The following ZNF90 variants were observed in gnomAD, a reference collection of about 807,000 sequenced individuals.
The protein encoded by ZNF90 is zinc finger protein HTF9.
In ZNF90, 11 loss-of-function variants were observed where a neutral mutation model predicts 12.0. That is an observed-to-expected ratio of 0.92 (90% confidence interval 0.58 to 1.52). The LOEUF is 1.52. Ranked by LOEUF, ZNF90 falls within the 40% of genes most tolerant of loss-of-function variation. ZNF90 has a pLI of 0.00. For synonymous variants in ZNF90, 232 were observed against 240.1 expected (o/e 0.97, Z 0.31); for missense variants, 765 against 711.5 (o/e 1.08, Z -0.86).
At chr19:20,111,979 C>T (rs2089093398) in intron 3 of ZNF90, among the ~76,000 whole-genome samples, 1 of 151,918 alleles carries the variant, frequency 6.6e-6, no homozygotes, top group Admixed American at 6.6e-5. Flanking sequence ...CTTCCTCAGC[C>T]TCCTGTGTAG....
At chr19:20,081,081 C>T (rs1254649773) in intron 1 of ZNF90, among the ~76,000 whole-genome samples, 1 of 152,140 alleles carries the variant, frequency 6.6e-6, no homozygotes, top group African/African-American at 2.4e-5. Context: ...CCTTTTCTTG[C>T]AAGTGCCACA....
At position 20,084,798 on chromosome 19, in the gene ZNF90, G is replaced by A. The variant is rs59440664; in HGVS notation, c.3+6663G>A. ...CTTCATATATGTCTTCTTTTGAAAAGCATCTGTTCATATATTTTGCCTAAT... is the reference window on the plus strand; with the variant it reads ...CTTCATATATGTCTTCTTTTGAAAAACATCTGTTCATATATTTTGCCTAAT... On this transcript the variant is annotated intron_variant, in intron 1 of 3. Coordinates refer to ENST00000418063, the MANE Select transcript of ZNF90 (RefSeq NM_007138.2). Among the ~76,000 whole-genome samples the A allele has an allele frequency of 9.8e-3, 1,494 of 152,122 alleles. 21 individuals carry two copies. Among genetic ancestry groups the A allele is most frequent in the African/African-American group, 0.034 (1,415 of 41,514 alleles).
chr19:20,118,074 A>G lies in ZNF90; in HGVS notation c.520A>G (p.Lys174Glu). The change falls in exon 4 of 4, where the codon AAA becomes GAA. Residue 174 changes from lysine to glutamate, a missense_variant. By Grantham distance (56) the Lys-to-Glu change is moderately conservative. Coordinates refer to ENST00000418063, the MANE Select transcript of ZNF90 (RefSeq NM_007138.2). ...KIRDTGKKPF[K>E]CIECGKAFNQ... ...AAGAGATACTGGAAAAAAACCTTTC[A>G]AATGTATAGAATGTGGCAAAGCTTT... is the stretch of plus-strand genomic sequence containing the variant. The G allele has an allele frequency of 6.2e-7, 1 of 1,613,272 alleles. No individual in the cohort carries two copies. Among genetic ancestry groups the G allele is most frequent in the Non-Finnish European group, 8.5e-7 (1 of 1,179,520 alleles).
chr19:20,096,683 C>A (rs1254988921), intron 1 of ZNF90, among the ~76,000 whole-genome samples: 1 of 152,064 alleles, frequency 6.6e-6, no homozygotes, highest in Non-Finnish European at 1.5e-5. Flanking sequence ...AGGGCATATT[C>A]ACTTCTTTTG....
intron 1 of ZNF90, among the ~76,000 whole-genome samples, chr19:20,102,314 C>T (rs1276846406): frequency 1.3e-5 from 2 of 152,162 alleles, no homozygotes. Flanking sequence ...TGTCCTGAGT[C>T]ACTCCTACTC....
chr19:20,091,646 C>T (rs2088903677), intron 1 of ZNF90, among the ~76,000 whole-genome samples: 1 of 152,078 alleles, frequency 6.6e-6, no homozygotes, highest in South Asian at 2.1e-4. Flanking sequence ...CTTTTGATGC[C>T]CCTTGCAGTG....
chr19:20,106,504 GAGTGCAGTGGCGCGATTTCGCTC>G (rs1318886499), intron 3 of ZNF90, among the ~76,000 whole-genome samples: 1 of 152,202 alleles, frequency 6.6e-6, no homozygotes, highest in Non-Finnish European at 1.5e-5. Flanking sequence ...ACCCAGGCTG[GAGTGCAGTGGCGCGATTTCGCTC>G]ATTGCAAGCT....
At chr19:20,085,639 C>G (rs1358172994) in intron 1 of ZNF90, among the ~76,000 whole-genome samples, 1 of 152,192 alleles carries the variant, frequency 6.6e-6, no homozygotes, top group African/African-American at 2.4e-5. Flanking sequence ...AACCTTCTTT[C>G]AAGTGCATAC....
At position 20,120,420 on chromosome 19, in the gene ZNF90, C is replaced by T. The variant is rs1426135476; in HGVS notation, c.*1060C>T. 2.0e-5 allele frequency among the ~76,000 whole-genome samples: 3 copies of T among 152,218 alleles called. No individual in the cohort carries two copies. The highest frequency in any genetic ancestry group is 7.2e-5 in the African/African-American group (3 of 41,534). ...CAGATTTCATTGCACACATTTTGTA[C>T]TAGAGGAAAACCCTGAAGCAGTTGC... On this transcript the variant is annotated 3_prime_UTR_variant, in exon 4 of 4. Transcript: ENST00000418063.
intron 1 of ZNF90, among the ~76,000 whole-genome samples, chr19:20,092,969 G>A (rs1458235709): frequency 1.3e-5 from 2 of 152,164 alleles, no homozygotes; most frequent in East Asian, 3.8e-4. Context: ...GAAGTAATGA[G>A]GGCTGTCCCT....
intron 1 of ZNF90, among the ~76,000 whole-genome samples, chr19:20,081,114 AAC>A (rs1254044344): frequency 2.6e-5 from 4 of 152,090 alleles, no homozygotes; most frequent in African/African-American, 9.7e-5. Context: ...CCTACTCACA[AAC>A]ACACACACTA....
intron 1 of ZNF90, among the ~76,000 whole-genome samples, chr19:20,090,056 T>C (rs1354202716): frequency 6.6e-6 from 1 of 152,132 alleles, no homozygotes; most frequent in Non-Finnish European, 1.5e-5. Flanking sequence ...AGATCATCTA[T>C]CCACTCTAAG....
In ZNF90 at chr19:20,101,194, C is replaced by T. The variant is rs534608054; in HGVS notation, c.4-3045C>T. On this transcript the variant is annotated intron_variant, in intron 1 of 3. Transcript: ENST00000418063. Reference sequence around the variant, plus strand: ...GCCACTCCCGATTAGGCTAAAGGCTCGCCATTGTTCCTGCATGGCTAAGTG... The same window carrying T: ...GCCACTCCCGATTAGGCTAAAGGCTTGCCATTGTTCCTGCATGGCTAAGTG... Among the ~76,000 whole-genome samples the T allele has an allele frequency of 3.7e-4, 57 of 152,314 alleles. 1 individual carries two copies. In the South Asian group the frequency reaches 8.9e-3, roughly 24 times the overall value.
chr19:20,093,161 G>A (rs1400322480), intron 1 of ZNF90, among the ~76,000 whole-genome samples: 1 of 152,226 alleles, frequency 6.6e-6, no homozygotes, highest in Non-Finnish European at 1.5e-5. Flanking sequence ...AAGAGTGTAC[G>A]GGTTGGGCAC....
chr19:20,108,565 C>T (rs1330093153), intron 3 of ZNF90, among the ~76,000 whole-genome samples: 6 of 152,112 alleles, frequency 3.9e-5, no homozygotes, highest in East Asian at 1.9e-4. Context: ...GATCCACTGG[C>T]CTTGGCCTCC....
intron 1 of ZNF90, among the ~76,000 whole-genome samples, chr19:20,087,804 G>A (rs552168781): frequency 1.3e-4 from 20 of 152,308 alleles, no homozygotes; most frequent in African/African-American, 4.8e-4. Flanking sequence ...GGAGATAAGT[G>A]TGGGGCCATT....
chr19:20,113,700 C>T (rs994305744), intron 3 of ZNF90, among the ~76,000 whole-genome samples: 8 of 152,028 alleles, frequency 5.3e-5, no homozygotes, highest in Admixed American at 1.3e-4. Flanking sequence ...TGTTGGCGGG[C>T]GCTTATAGTC....
intron 1 of ZNF90, among the ~76,000 whole-genome samples, chr19:20,097,217 T>A (rs1250799110): frequency 6.6e-6 from 1 of 152,192 alleles, no homozygotes; most frequent in Admixed American, 6.5e-5. Flanking sequence ...GCTGGAGACA[T>A]GTTTTCTTTA....
intron 3 of ZNF90, among the ~76,000 whole-genome samples, chr19:20,116,986 AAAAAAAAAAG>A (rs1422663416): frequency 1.3e-4 from 20 of 150,080 alleles, no homozygotes; most frequent in African/African-American, 5.0e-4. Flanking sequence ...CTTTAAAAAA[AAAAAAAAAAG>A]AATTGGCAAC....
Sources: gnomAD v4.1 joint callset for allele counts (sites outside exome capture counted in the v4.1 genomes callset) on GRCh38, gnomAD v4.1.1 for gene constraint, MANE v1.5 for transcripts, NCBI Gene and HGNC (gene_info 2026-07-23, HGNC 2026-07-21) for gene names.